COBL: variants seen among roughly 807,000 people sequenced by gnomAD.
COBL encodes protein cordon-bleu.
In COBL, 51 loss-of-function variants were observed where a neutral mutation model predicts 98.8. The ratio of observed to expected loss-of-function variants is 0.52; its 90% CI spans 0.41 to 0.65. The LOEUF is 0.65. COBL is among the 30% of genes least tolerant of loss of function. The pLI, the probability that COBL is intolerant of heterozygous loss-of-function variation, is 0.00. For synonymous variants in COBL, 634 were observed against 651.7 expected, an observed-to-expected ratio of 0.97 and a Z score of 0.41; for missense variants, 1,617 against 1,617.5, an observed-to-expected ratio of 1.00 and a Z score of 0.01.
intron 12 of COBL, among the ~76,000 whole-genome samples, chr7:51,023,797 T>A (rs1787179943): frequency 6.6e-6 from 1 of 152,172 alleles, no homozygotes; most frequent in African/African-American, 2.4e-5. Context: ...TCTCCTGGGT[T>A]ACCTGCTCTC....
intron 1 of COBL, chr7:51,259,654 C>T (rs771252456): frequency 2.3e-5 from 17 of 733,608 alleles, no homozygotes; most frequent in Non-Finnish European, 3.8e-5. Flanking sequence ...TGCTCCTCAT[C>T]ACTGTGTTGT....
chr7:51,298,035 C>T (rs1016383236), intron 1 of COBL, among the ~76,000 whole-genome samples: 2 of 152,144 alleles, frequency 1.3e-5, no homozygotes, highest in Admixed American at 1.3e-4. Context: ...AGTATGAAGC[C>T]AGTGACAGTG....
At chr7:51,252,275 T>C (rs560190141) in intron 1 of COBL, among the ~76,000 whole-genome samples, 2 of 152,352 alleles carry the variant, frequency 1.3e-5, no homozygotes, top group South Asian at 2.1e-4. Flanking sequence ...ATGTTTTTCA[T>C]ATATTCACTG....
chr7:51,188,007 G>C, intron 4 of COBL: 1 of 1,225,964 alleles, frequency 8.2e-7, no homozygotes, highest in Non-Finnish European at 1.0e-6. Flanking sequence ...TGAGATGTGT[G>C]GGAGTCCCTG....
chr7:51,197,941 T>C (rs2042422406), intron 2 of COBL, among the ~76,000 whole-genome samples: 1 of 152,210 alleles, frequency 6.6e-6, no homozygotes, highest in Non-Finnish European at 1.5e-5. Context: ...GAAGATAGCA[T>C]ACCAATGGGT....
At chr7:51,273,825 T>C (rs1433983381) in intron 1 of COBL, among the ~76,000 whole-genome samples, 1 of 152,206 alleles carries the variant, frequency 6.6e-6, no homozygotes, top group African/African-American at 2.4e-5. Context: ...CACTTCAGTG[T>C]TTTGGGAATG....
chr7:51,028,139 C>T lies in COBL; in HGVS notation c.2957G>A (p.Arg986His), dbSNP rs368670111. Reference sequence around the variant, plus strand: ...ACCACAGCTCTGTCCCACAGAAACACGATCCCTCTGGGAAGACTGAACCAG... The same window carrying T: ...ACCACAGCTCTGTCCCACAGAAACATGATCCCTCTGGGAAGACTGAACCAG... Reference protein sequence around the residue: ...FSLVQSSQRDRVSVGQSCGFS... With the variant: ...FSLVQSSQRDHVSVGQSCGFS... Residue 986 changes from arginine (R) to histidine (H), a missense_variant, in exon 10 of 13, where the codon CGT (arginine) becomes CAT (histidine). Around this residue, in one of 3 missense-constraint regions of COBL, gnomAD observed 1,304 missense variants for 1,282.0 expected, o/e 1.02. Coordinates refer to ENST00000265136, the MANE Select transcript of COBL (RefSeq NM_015198.5). 2.6e-5 allele frequency: 42 copies of T among 1,614,112 alleles called. No homozygotes were observed. Among genetic ancestry groups the T allele is most frequent in the Middle Eastern group, 3.3e-4 (2 of 6,084 alleles).
chr7:51,154,876 G>T (rs569999122), intron 5 of COBL, among the ~76,000 whole-genome samples: 5 of 152,308 alleles, frequency 3.3e-5, no homozygotes, highest in African/African-American at 1.2e-4. Flanking sequence ...TCTGACATGG[G>T]ATATAAAGTA....
intron 6 of COBL, among the ~76,000 whole-genome samples, chr7:51,108,345 G>A (rs77560836): frequency 0.084 from 12,736 of 152,178 alleles, 774 homozygotes; most frequent in South Asian, 0.16. Context: ...AGTGGCACTC[G>A]GTGTGAATAC....
At chr7:51,237,529 T>A (rs1268531470) in intron 1 of COBL, among the ~76,000 whole-genome samples, 1 of 120,890 alleles carries the variant, frequency 8.3e-6, no homozygotes, top group East Asian at 2.5e-4. Flanking sequence ...CTTAACCCTT[T>A]TTTTTTCTTA....
chr7:51,068,362 A>C (rs555513373), intron 7 of COBL, among the ~76,000 whole-genome samples: 17 of 152,356 alleles, frequency 1.1e-4, no homozygotes, highest in African/African-American at 3.6e-4. Flanking sequence ...TACTCGCTTT[A>C]TCATTAGGGT....
At chr7:51,168,592 G>T (rs368955221) in intron 5 of COBL, among the ~76,000 whole-genome samples, 1 of 152,126 alleles carries the variant, frequency 6.6e-6, no homozygotes, top group South Asian at 2.1e-4. Flanking sequence ...AGTTAAAATG[G>T]CTTATATCCA....
At chr7:51,303,277 C>T (rs553271889) in intron 1 of COBL, among the ~76,000 whole-genome samples, 2 of 152,162 alleles carry the variant, frequency 1.3e-5, no homozygotes, top group African/African-American at 4.8e-5. Context: ...TCAACAATCC[C>T]GGGCCGGGCG....
At chr7:51,291,535 C>T (rs919937078) in intron 1 of COBL, among the ~76,000 whole-genome samples, 20 of 151,784 alleles carry the variant, frequency 1.3e-4, no homozygotes, top group African/African-American at 2.9e-4. Flanking sequence ...CTGAGGCAGG[C>T]GGATCACCTG....
intron 7 of COBL, among the ~76,000 whole-genome samples, chr7:51,083,416 A>G (rs1793874370): frequency 6.6e-6 from 1 of 152,166 alleles, no homozygotes; most frequent in African/African-American, 2.4e-5. Flanking sequence ...ACATCCAACC[A>G]CACTCACACT....
At chr7:51,065,636 C>G (rs1450601726) in intron 7 of COBL, among the ~76,000 whole-genome samples, 1 of 152,214 alleles carries the variant, frequency 6.6e-6, no homozygotes, top group Non-Finnish European at 1.5e-5. Flanking sequence ...GAGTCCGGGT[C>G]TCCCCTGTGC....
intron 1 of COBL, among the ~76,000 whole-genome samples, chr7:51,230,899 A>G (rs1291254281): frequency 2.0e-5 from 3 of 152,230 alleles, no homozygotes; most frequent in African/African-American, 7.2e-5. Flanking sequence ...TGAATGGAGT[A>G]AAGTCACAAA....
chr7:51,126,652 G>C (rs1798233188), intron 6 of COBL, among the ~76,000 whole-genome samples: 1 of 152,112 alleles, frequency 6.6e-6, no homozygotes, highest in Admixed American at 6.5e-5. Flanking sequence ...CATGGCATGT[G>C]TAGCAAGGAA....
rs545483345 is a variant in COBL, at chr7:51,057,317, C to T, written c.1097-13625G>A. 3.5e-5 allele frequency among the ~76,000 whole-genome samples: 5 copies of T among 142,542 alleles called. No individual in the cohort carries two copies. In the East Asian group the frequency reaches 6.3e-4, roughly 18 times the overall value. 93.5% of individuals were successfully genotyped at this position (142,542 alleles called of 152,430 possible). On this transcript the variant is annotated intron_variant, in intron 7 of 12. Coordinates refer to ENST00000265136, the MANE Select transcript of COBL (RefSeq NM_015198.5). ...AGGAAAAAAACAGTATATATATATG[C>T]GTGCACGCACACACATACACACACA...
Sources: gnomAD v4.1 joint callset for allele counts (sites outside exome capture counted in the v4.1 genomes callset) on GRCh38, gnomAD v4.1.1 for gene constraint, gnomAD v4.1.1 regional missense constraint, MANE v1.5 for transcripts, NCBI Gene and HGNC (gene_info 2026-07-23, HGNC 2026-07-21) for gene names.